The following KIN variants were observed in gnomAD, a reference collection of about 807,000 sequenced individuals.
The protein encoded by KIN is Kin17 DNA and RNA binding protein.
A neutral mutation model predicts 63.0 loss-of-function variants in KIN; 47 were observed. That is an observed-to-expected ratio of 0.75 (90% CI 0.59 to 0.95). KIN has a LOEUF of 0.95. KIN is among the 40% of genes least tolerant of loss of function. The probability of loss-of-function intolerance (pLI) is 0.00; values close to 1 mark genes in which losing one functional copy is unlikely to be tolerated. For synonymous variants in KIN, 160 were observed against 157.7 expected (o/e 1.01, Z -0.11); for missense variants, 408 against 460.9 (o/e 0.89, Z 1.05).
chr10:7,752,488 G>A lies in KIN; in HGVS notation c.*3592C>T, dbSNP rs553595316. 2 of 152,284 alleles carry A rather than the reference G, an allele frequency of 1.3e-5. No individual in the cohort carries two copies. Among genetic ancestry groups the A allele is most frequent in the South Asian group, 4.1e-4 (2 of 4,820 alleles). 9.4% of individuals were successfully genotyped at this position (152,284 alleles called of 1,614,324 possible). On this transcript the variant is annotated 3_prime_UTR_variant, in exon 13 of 13. Coordinates refer to ENST00000379562, the MANE Select transcript of KIN (RefSeq NM_012311.4). ...TCACTGCTCGTTTGAATACAAAATG[G>A]TACAGTCACTCTGGAAGACAGGTTG...
At chr10:7,778,717 C>T (rs542565861) in intron 5 of KIN, 121 bp downstream of exon 5, 33 of 1,014,908 alleles carry the variant, frequency 3.3e-5, no homozygotes, top group East Asian at 9.7e-5. Context: ...CCAGCCTGGG[C>T]GGCAGAGCAA....
Position 7,778,896 on chromosome 10 carries a change from TCTTCATCATCAAGGTCCTG to T in KIN, c.481_499del (p.Gln161LysfsTer11). On this transcript the variant is annotated frameshift_variant, in exon 5 of 13. Transcript: ENST00000379562. LOFTEE classifies it high-confidence loss of function. Reference sequence around the variant, plus strand: ...CTCTTCAATAAATTTGGCAGTTTTTTCTTCATCATCAAGGTCCTGCTTTTTCTTTTTCTCCAGTTCCAGT... The same window carrying T: ...CTCTTCAATAAATTTGGCAGTTTTTTCTTTTTCTTTTTCTCCAGTTCCAGT... The T allele has an allele frequency of 6.2e-7, 1 of 1,614,170 alleles. No individual in the cohort carries two copies. Among genetic ancestry groups the T allele is most frequent in the Non-Finnish European group, 8.5e-7 (1 of 1,180,024 alleles).
intron 7 of KIN, among the ~76,000 whole-genome samples, chr10:7,770,541 T>A (rs745580862): frequency 6.6e-6 from 1 of 152,246 alleles, no homozygotes; most frequent in Non-Finnish European, 1.5e-5. Context: ...GCACCTTGTA[T>A]GATAATCATT....
rs570771239 is a variant in KIN at position 7,787,468 on chromosome 10, G to T, written c.114+352C>A. Among the ~76,000 whole-genome samples, 10 of 152,324 alleles carry T rather than the reference G, an allele frequency of 6.6e-5. No individual in the cohort carries two copies. The East Asian group carries it at 1.5e-3, about 24-fold the overall frequency. On this transcript the variant is annotated intron_variant, in intron 1 of 12. Coordinates refer to ENST00000379562, the MANE Select transcript of KIN (RefSeq NM_012311.4). ...CCACCCTGTTTCTCTTAAGAGTCAA[G>T]TCAAGTAAGAGCTGATGACTGTTAC...
At position 7,787,919 on chromosome 10, in the gene KIN, A is replaced by T. The variant is rs900216480; in HGVS notation, c.15T>A (p.Asp5Glu). The T allele has an allele frequency of 1.9e-6, 3 of 1,613,506 alleles. No individual in the cohort carries two copies. In the East Asian group the frequency reaches 6.7e-5, roughly 36 times the overall value. The change falls in exon 1 of 13, where the codon GAT (aspartate) becomes GAA (glutamate). Residue 5 changes from aspartate (D) to glutamate (E), a missense_variant. Transcript: ENST00000379562. ...TGGCGATAGCCTTGGGAGTAAGAAA[A>T]TCCGACTTCCCCATGGCGACCACGG... Reference protein sequence around the residue: MGKSDFLTPKAIANR... With the variant: MGKSEFLTPKAIANR...
Position 7,769,234 on chromosome 10 carries a change from T to C in KIN, c.780A>G (p.Ala260=). 1 of 1,612,650 alleles carries C rather than the reference T, an allele frequency of 6.2e-7. No individual in the cohort carries two copies. Among genetic ancestry groups the C allele is most frequent in the Non-Finnish European group, 8.5e-7 (1 of 1,179,666 alleles). ...ACTGTACCTCCATGATTTCATCCAGTGCAGATTTCTTTTTCTTCTTTTCTT... is the reference window on the plus strand; with the variant it reads ...ACTGTACCTCCATGATTTCATCCAGCGCAGATTTCTTTTTCTTCTTTTCTT... ...QSKEKKKKKS[A]LDEIMEIEEE... The change falls in exon 8 of 13, where the codon GCA becomes GCG. Residue 260 remains alanine, a synonymous_variant. Coordinates refer to ENST00000379562, the MANE Select transcript of KIN (RefSeq NM_012311.4).
rs763298952 is a variant in KIN at position 7,762,531 on chromosome 10, A to G, written c.944T>C (p.Val315Ala). Residue 315 changes from valine (V) to alanine (A), a missense_variant, in exon 11 of 13, where the codon GTT becomes GCT. By Grantham distance (64) the Val-to-Ala change is moderately conservative. Transcript: ENST00000379562. ...VKEVIDKYTA[V>A]VKMIDSGDKL... The stretch of plus-strand genomic sequence containing the variant: ...GTCTCCAGAATCAATCATCTTCACA[A>G]CAGCTGTATATTTGTCAATTACTTC... 9.9e-6 allele frequency: 16 copies of G among 1,608,690 alleles called. No individual in the cohort carries two copies. The highest frequency in any genetic ancestry group is 1.4e-5 in the Non-Finnish European group (16 of 1,176,254).
At chr10:7,782,969 T>C (rs1835928338) in intron 2 of KIN, 112 bp downstream of exon 2, 3 of 466,456 alleles carry the variant, frequency 6.4e-6, no homozygotes, top group Non-Finnish European at 1.1e-5. Flanking sequence ...ATAGAGAGAA[T>C]ACAGTTAACA....
chr10:7,778,720 C>T, intron 5 of KIN, 118 bp downstream of exon 5: 3 of 1,057,826 alleles, frequency 2.8e-6, no homozygotes, highest in Non-Finnish European at 4.2e-6. Flanking sequence ...GCCTGGGCGG[C>T]AGAGCAAGAC....
chr10:7,757,839 G>A (rs949236179), intron 12 of KIN, among the ~76,000 whole-genome samples: 2 of 152,068 alleles, frequency 1.3e-5, no homozygotes, highest in African/African-American at 4.8e-5. Flanking sequence ...GGCTTATAGG[G>A]CAAATAGCTA....
At chr10:7,780,900 C>G (rs1835882574) in intron 2 of KIN, among the ~76,000 whole-genome samples, 1 of 152,272 alleles carries the variant, frequency 6.6e-6, no homozygotes, top group East Asian at 1.9e-4. Flanking sequence ...GGAATGGGTC[C>G]TTCATGAAGT....
intron 1 of KIN, among the ~76,000 whole-genome samples, chr10:7,783,657 T>C (rs932699493): frequency 1.3e-5 from 2 of 152,224 alleles, no homozygotes; most frequent in African/African-American, 4.8e-5. Flanking sequence ...TTGTTAAACA[T>C]ATTAAATCTG....
chr10:7,772,645 A>G (rs1211408921), intron 7 of KIN, among the ~76,000 whole-genome samples: 1 of 152,154 alleles, frequency 6.6e-6, no homozygotes, highest in Non-Finnish European at 1.5e-5. Flanking sequence ...AATTTCAGAG[A>G]AAAAACATTT....
intron 8 of KIN, among the ~76,000 whole-genome samples, chr10:7,767,037 A>T (rs973576967): frequency 8.6e-6 from 1 of 116,630 alleles, no homozygotes; most frequent in Non-Finnish European, 1.9e-5. Context: ...AAAAAAAAAA[A>T]ACCTCATTTT....
intron 2 of KIN, among the ~76,000 whole-genome samples, chr10:7,782,249 A>C (rs866230054): frequency 6.6e-6 from 1 of 152,136 alleles, no homozygotes; most frequent in African/African-American, 2.4e-5. Flanking sequence ...TAAGAAGCAA[A>C]GAAATGTTTA....
At chr10:7,782,910 T>C (rs1835926350) in intron 2 of KIN, among the ~76,000 whole-genome samples, 171 bp downstream of exon 2, 1 of 152,180 alleles carries the variant, frequency 6.6e-6, no homozygotes, top group Admixed American at 6.5e-5. Context: ...AATAATTTTG[T>C]AACAGTTTTA....
chr10:7,787,244 C>T (rs950486418), intron 1 of KIN, among the ~76,000 whole-genome samples: 5 of 152,216 alleles, frequency 3.3e-5, no homozygotes, highest in African/African-American at 1.2e-4. Flanking sequence ...CAAGACCACA[C>T]GGTTGGTAAG....
At chr10:7,763,887 G>A in intron 9 of KIN, 96 bp from the exon 10 acceptor site, 2 of 616,618 alleles carry the variant, frequency 3.2e-6, no homozygotes, top group South Asian at 1.9e-5. Flanking sequence ...AAAACCACAG[G>A]AAAATGTAAC....
In KIN at chr10:7,774,852, C is replaced by A. The variant is rs752618588; in HGVS notation, c.647G>T (p.Gly216Val). 1 of 1,613,342 alleles carries A rather than the reference C, an allele frequency of 6.2e-7. No individual in the cohort carries two copies. The highest frequency in any genetic ancestry group is 1.1e-5 in the South Asian group (1 of 91,062). ...TCACCTTGACTTGGAAGATGTTGCT[C>A]CGGATGAGCTACATGCTCCTTTACT... ...NLSKGACSSS[G>V]ATSSKSSTLG... The change falls in exon 7 of 13, where the codon GGA (glycine) becomes GTA (valine). Residue 216 changes from glycine (G) to valine (V), a missense_variant. Gly to Val is a moderately radical substitution (Grantham distance 109). This residue lies in a region of KIN where 298 missense variants were observed against 296.0 expected (regional missense o/e 1.01). Coordinates refer to ENST00000379562, the MANE Select transcript of KIN (RefSeq NM_012311.4).
Sources: allele counts gnomAD v4.1 joint callset (sites outside exome capture counted in the v4.1 genomes callset), GRCh38; gene constraint gnomAD v4.1.1; regional missense constraint gnomAD v4.1.1; transcripts MANE v1.5; gene names NCBI Gene and HGNC (gene_info 2026-07-23, HGNC 2026-07-21).